CRACD: variants seen among roughly 807,000 people sequenced by gnomAD.
The protein encoded by CRACD is capping protein-inhibiting regulator of actin dynamics.
CRACD carries 56 observed loss-of-function variants against 106.8 expected under a neutral mutation model. That is an observed-to-expected ratio of 0.52 (90% confidence interval 0.42 to 0.66). The LOEUF (loss-of-function observed/expected upper bound fraction) is 0.66, where lower values mean the gene tolerates loss of function less well. CRACD is among the 30% of genes least tolerant of loss of function. The pLI, the probability that CRACD is intolerant of heterozygous loss-of-function variation, is 0.00. For missense variants in CRACD, 1,730 were observed against 1,623.2 expected (o/e 1.07, Z -1.13); for synonymous variants, 754 against 670.8 (o/e 1.12, Z -1.92).
At chr4:56,174,693 C>G (rs1020195726) in intron 1 of CRACD, among the ~76,000 whole-genome samples, 1 of 152,120 alleles carries the variant, frequency 6.6e-6, no homozygotes, top group African/African-American at 2.4e-5. Flanking sequence ...TTGATGGACA[C>G]TTAGGTTAAT....
chr4:56,050,268 G>A (rs1037262017), intron 1 of CRACD, among the ~76,000 whole-genome samples: 2 of 128,470 alleles, frequency 1.6e-5, no homozygotes, highest in Non-Finnish European at 3.2e-5. Flanking sequence ...TGGTGTAGGT[G>A]AGGGAGTGTG....
chr4:56,258,904 C>T (rs1741528057), intron 2 of CRACD, among the ~76,000 whole-genome samples: 2 of 152,074 alleles, frequency 1.3e-5, no homozygotes, highest in South Asian at 4.1e-4. Flanking sequence ...TAATGTTCAC[C>T]AAAATATTAC....
At chr4:56,075,983 A>AG (rs1014129544) in intron 1 of CRACD, among the ~76,000 whole-genome samples, 36 of 152,212 alleles carry the variant, frequency 2.4e-4, no homozygotes, top group African/African-American at 8.4e-4. Context: ...AGGAAAAAAA[A>AG]GTCTAAAAAG....
intron 2 of CRACD, among the ~76,000 whole-genome samples, chr4:56,231,236 A>G (rs942514956): frequency 1.3e-5 from 2 of 152,150 alleles, no homozygotes; most frequent in Admixed American, 1.3e-4. Context: ...ACCCTAGAAT[A>G]TAGATTTTTT....
chr4:56,086,632 T>C (rs967474102), intron 1 of CRACD, among the ~76,000 whole-genome samples: 1 of 152,118 alleles, frequency 6.6e-6, no homozygotes, highest in African/African-American at 2.4e-5. Flanking sequence ...CCCATTCTAT[T>C]TGGATCCTCT....
At chr4:56,061,949 T>C (rs779954262) in intron 1 of CRACD, among the ~76,000 whole-genome samples, 1 of 152,250 alleles carries the variant, frequency 6.6e-6, no homozygotes, top group Non-Finnish European at 1.5e-5. Flanking sequence ...AACGTGGTTG[T>C]TGATGGGCAG....
At position 56,194,097 on chromosome 4, in the gene CRACD, T is replaced by A. The variant is rs935656553; in HGVS notation, c.-189+14667T>A. On this transcript the variant is annotated intron_variant, in intron 2 of 10. Coordinates refer to ENST00000682029, the MANE Select transcript of CRACD (RefSeq NM_001393381.1). ...TATTTTCCTATCTCTTTACTAGTATTCCATTATTAGATGGGCCGATTGTAA... is the reference window on the plus strand; with the variant it reads ...TATTTTCCTATCTCTTTACTAGTATACCATTATTAGATGGGCCGATTGTAA... 3.9e-5 allele frequency among the ~76,000 whole-genome samples: 6 copies of A among 152,290 alleles called. No individual in the cohort carries two copies. In the East Asian group the frequency reaches 1.2e-3, roughly 29 times the overall value.
chr4:56,069,586 G>A (rs1362067310), intron 1 of CRACD, among the ~76,000 whole-genome samples: 2 of 152,142 alleles, frequency 1.3e-5, no homozygotes, highest in African/African-American at 4.8e-5. Context: ...ATTAGGTATG[G>A]GTTTAGAGAG....
intron 1 of CRACD, among the ~76,000 whole-genome samples, chr4:56,089,803 G>T (rs1246943311): frequency 2.6e-5 from 4 of 152,040 alleles, no homozygotes; most frequent in African/African-American, 9.7e-5. Context: ...ATGAGCCACC[G>T]TGCCTGGCTA....
At chr4:56,313,400 C>A in intron 7 of CRACD, 21 bp downstream of exon 7, 1 of 1,600,760 alleles carries the variant, frequency 6.2e-7, no homozygotes, top group Non-Finnish European at 8.5e-7. Context: ...CCTGCACGGG[C>A]TGACCAGGCA....
chr4:56,109,571 T>C (rs145270894), intron 1 of CRACD, among the ~76,000 whole-genome samples: 329 of 152,330 alleles, frequency 2.2e-3, no homozygotes, highest in Non-Finnish European at 4.2e-3. Context: ...ATTGTAACAA[T>C]GTTAATTTAT....
intron 2 of CRACD, among the ~76,000 whole-genome samples, chr4:56,196,816 C>A (rs1004733958): frequency 1.3e-5 from 2 of 152,036 alleles, no homozygotes; most frequent in Non-Finnish European, 2.9e-5. Context: ...AAGGAAGAGG[C>A]AGAAAACTTA....
At chr4:56,072,176 A>G (rs1330125207) in intron 1 of CRACD, among the ~76,000 whole-genome samples, 1 of 151,700 alleles carries the variant, frequency 6.6e-6, no homozygotes, top group Non-Finnish European at 1.5e-5. Flanking sequence ...ATTTGGGCCC[A>G]GATAAAGTGT....
chr4:56,188,682 TCTCTCA>T (rs1440539765), intron 2 of CRACD, among the ~76,000 whole-genome samples: 1,391 of 110,690 alleles, frequency 0.013, 30 homozygotes, highest in African/African-American at 0.061. Flanking sequence ...TCTCTCTCTC[TCTCTCA>T]CACACACACA....
rs748656429 is a variant in CRACD at position 56,272,310 on chromosome 4, A to G, written c.-188-11A>G. The stretch of plus-strand genomic sequence containing the variant: ...CCACACTGCAGCATGTGTTTGTTTT[A>G]CAATCCACAGACAAGAAGAAGGGAG... On this transcript the variant is annotated splice_polypyrimidine_tract_variant and intron_variant, in intron 2 of 10. Coordinates refer to ENST00000682029, the MANE Select transcript of CRACD (RefSeq NM_001393381.1). The G allele has an allele frequency of 4.6e-5, 7 of 153,438 alleles. No individual in the cohort carries two copies. Among genetic ancestry groups the G allele is most frequent in the Non-Finnish European group, 8.8e-5 (6 of 68,050 alleles). 9.5% of individuals were successfully genotyped at this position (153,438 alleles called of 1,614,324 possible). A position where few individuals can be genotyped will look rare whatever the true frequency, so the allele number is the denominator to read the frequency against.
In CRACD at chr4:56,196,157, G is replaced by GTT. The variant is rs1737597349; in HGVS notation, c.-189+16728_-189+16729insTT. Among the ~76,000 whole-genome samples, 7 of 152,220 alleles carry GTT rather than the reference G, an allele frequency of 4.6e-5. No homozygotes were observed. The South Asian group carries it at 1.5e-3, about 32-fold the overall frequency. On this transcript the variant is annotated intron_variant, in intron 2 of 10. Transcript: ENST00000682029. ...TAATAATGTCAGTGTTTTATTACAG[G>GTT]TATCAGTTTGTTTCCTCCATCTCTT...
intron 2 of CRACD, among the ~76,000 whole-genome samples, chr4:56,184,094 A>T (rs1213127803): frequency 6.6e-6 from 1 of 152,072 alleles, no homozygotes; most frequent in Non-Finnish European, 1.5e-5. Context: ...CCCCCAAGAC[A>T]GAGTCTTGAT....
At chr4:56,099,807 C>T (rs1733721621) in intron 1 of CRACD, among the ~76,000 whole-genome samples, 1 of 152,196 alleles carries the variant, frequency 6.6e-6, no homozygotes. Flanking sequence ...CGACATCTCT[C>T]TGTTAGCAGA....
At chr4:56,269,308 G>A (rs561544493) in intron 2 of CRACD, among the ~76,000 whole-genome samples, 64 of 152,116 alleles carry the variant, frequency 4.2e-4, no homozygotes, top group African/African-American at 1.3e-3. Context: ...GCTTGAACCC[G>A]GGAGGTGGAG....
Sources: allele counts gnomAD v4.1 joint callset (sites outside exome capture counted in the v4.1 genomes callset), GRCh38; gene constraint gnomAD v4.1.1; transcripts MANE v1.5; gene names NCBI Gene and HGNC (gene_info 2026-07-23, HGNC 2026-07-21).